PTPRD: variants seen among roughly 807,000 people sequenced by gnomAD.
PTPRD encodes the protein receptor-type tyrosine-protein phosphatase delta.
In PTPRD, 34 loss-of-function variants were observed where a neutral mutation model predicts 214.5. The ratio of observed to expected loss-of-function variants is 0.16; its 90% CI spans 0.12 to 0.21. PTPRD has a LOEUF of 0.21. Among genes scored for constraint, PTPRD ranks in the 10% least tolerant of loss-of-function variants. The pLI is 1.00. For missense variants in PTPRD, 2,545 were observed against 2,398.7 expected (o/e 1.06, Z -1.27); for synonymous variants, 1,128 against 845.7 (o/e 1.33, Z -5.79).
intron 11 of PTPRD, among the ~76,000 whole-genome samples, chr9:8,835,464 AC>A (rs2097397748): frequency 6.6e-6 from 1 of 152,162 alleles, no homozygotes; most frequent in African/African-American, 2.4e-5. Context: ...CAGTGATTCA[AC>A]CTCACCGCAT....
chr9:9,612,389 A>G (rs2094561476), intron 7 of PTPRD, among the ~76,000 whole-genome samples: 2 of 152,176 alleles, frequency 1.3e-5, no homozygotes, highest in African/African-American at 4.8e-5. Context: ...CAAATTCAGA[A>G]TCATGTAACT....
intron 35 of PTPRD, among the ~76,000 whole-genome samples, chr9:8,414,891 G>C (rs1354608991): frequency 7.7e-6 from 1 of 129,848 alleles, no homozygotes; most frequent in Non-Finnish European, 1.6e-5. Flanking sequence ...GGGAGGGAGG[G>C]AGAGAGGGAT....
At chr9:9,501,132 G>GT (rs2096400971) in intron 8 of PTPRD, among the ~76,000 whole-genome samples, 1 of 151,754 alleles carries the variant, frequency 6.6e-6, no homozygotes, top group African/African-American at 2.4e-5. Context: ...AAAAAGCAAG[G>GT]TAAAAACTTA....
chr9:8,853,705 T>C (rs2097860522), intron 11 of PTPRD, among the ~76,000 whole-genome samples: 1 of 152,224 alleles, frequency 6.6e-6, no homozygotes, highest in Non-Finnish European at 1.5e-5. Context: ...GAATTCTCAA[T>C]CTTGTAGTTC....
At chr9:9,311,488 G>A (rs1292186808) in intron 9 of PTPRD, among the ~76,000 whole-genome samples, 1 of 152,048 alleles carries the variant, frequency 6.6e-6, no homozygotes, top group Non-Finnish European at 1.5e-5. Flanking sequence ...TATTTTCTAA[G>A]TTTTGAAGGT....
chr9:8,940,705 G>C (rs1177812212), intron 11 of PTPRD, among the ~76,000 whole-genome samples: 2 of 151,960 alleles, frequency 1.3e-5, no homozygotes, highest in Non-Finnish European at 2.9e-5. Context: ...GCTGGTTGGA[G>C]ACACTCTCCA....
chr9:8,843,991 T>C (rs531645113), intron 11 of PTPRD, among the ~76,000 whole-genome samples: 2 of 152,268 alleles, frequency 1.3e-5, no homozygotes, highest in Admixed American at 1.3e-4. Context: ...TGAAAAATGG[T>C]CATCACCCAT....
chr9:10,125,360 T>C (rs2154251870), intron 3 of PTPRD, among the ~76,000 whole-genome samples: 1 of 150,906 alleles, frequency 6.6e-6, no homozygotes, highest in East Asian at 1.9e-4. Context: ...AAATCAATCA[T>C]TTCTTTTTTC....
At chr9:8,493,810 G>A (rs897950678) in intron 26 of PTPRD, among the ~76,000 whole-genome samples, 2 of 152,010 alleles carry the variant, frequency 1.3e-5, no homozygotes, top group African/African-American at 4.8e-5. Flanking sequence ...TTTTCTCTTA[G>A]TCAGGGCCCA....
chr9:9,900,600 C>T (rs7470406), intron 5 of PTPRD, among the ~76,000 whole-genome samples: 36,027 of 149,764 alleles, frequency 0.24, 5,293 homozygotes, highest in African/African-American at 0.41. Context: ...CTTCCAAAGT[C>T]GGCCTGTTAC....
chr9:10,122,815 C>G (rs1045948416), intron 3 of PTPRD, among the ~76,000 whole-genome samples: 6 of 152,184 alleles, frequency 3.9e-5, no homozygotes, highest in African/African-American at 1.4e-4. Flanking sequence ...CTGACTTAAC[C>G]ATCACCTGGC....
At chr9:8,412,639 G>C (rs1056171751) in intron 35 of PTPRD, among the ~76,000 whole-genome samples, 1 of 152,128 alleles carries the variant, frequency 6.6e-6, no homozygotes, top group Non-Finnish European at 1.5e-5. Context: ...CCTGTGACTT[G>C]TATAAGAACA....
chr9:9,830,109 T>G (rs1212419954), intron 5 of PTPRD, among the ~76,000 whole-genome samples: 1 of 151,698 alleles, frequency 6.6e-6, no homozygotes, highest in Non-Finnish European at 1.5e-5. Flanking sequence ...TTTTATAATT[T>G]TATTTTAAAA....
intron 4 of PTPRD, among the ~76,000 whole-genome samples, chr9:9,958,160 G>A (rs1382564971): frequency 2.0e-5 from 3 of 152,192 alleles, no homozygotes; most frequent in African/African-American, 7.2e-5. Flanking sequence ...GTGATGTTGA[G>A]TTTGGCAAGA....
chr9:8,766,797 A>G (rs1210200295), intron 11 of PTPRD, among the ~76,000 whole-genome samples: 2 of 152,174 alleles, frequency 1.3e-5, no homozygotes, highest in Non-Finnish European at 2.9e-5. Context: ...ATTAATTTCA[A>G]TGTTTAATAT....
At chr9:9,175,641 A>AAAAAAAC (rs1569558773) in intron 10 of PTPRD, among the ~76,000 whole-genome samples, 25 of 140,366 alleles carry the variant, frequency 1.8e-4, no homozygotes, top group Middle Eastern at 3.7e-3. Flanking sequence ...AAAAAAAAAA[A>AAAAAAAC]AAAAAAAAAG....
intron 8 of PTPRD, among the ~76,000 whole-genome samples, chr9:9,553,002 T>C (rs1390945957): frequency 2.0e-5 from 3 of 152,068 alleles, no homozygotes; most frequent in Non-Finnish European, 4.4e-5. Context: ...ATGAAAGCAA[T>C]TATGGACACT....
chr9:8,674,997 G>C (rs1022300921), intron 12 of PTPRD, among the ~76,000 whole-genome samples: 1 of 152,060 alleles, frequency 6.6e-6, no homozygotes, highest in East Asian at 1.9e-4. Context: ...GAAATAACCA[G>C]GGTATATTTT....
Position 8,484,253 on chromosome 9 carries a change from A to C in PTPRD, c.3279T>G (p.Gly1093=). ...TTGCCGTGACCCTGTGCTGCAGCCC[A>C]CCAGCACTGTTTCCACGATTTGTCA... ...FVLTNRGNSA[G]GLQHRVTAKT... is the part of the protein sequence containing the mutation. The change falls in exon 30 of 46, where the codon GGT becomes GGG. Residue 1093 remains glycine, a synonymous_variant. Coordinates refer to ENST00000381196, the MANE Select transcript of PTPRD (RefSeq NM_002839.4). 1 of 1,614,156 alleles carries C rather than the reference A, an allele frequency of 6.2e-7. No homozygotes were observed. The highest frequency in any genetic ancestry group is 2.2e-5 in the East Asian group (1 of 44,872).
Sources: gnomAD v4.1 joint callset for allele counts (sites outside exome capture counted in the v4.1 genomes callset) on GRCh38, gnomAD v4.1.1 for gene constraint, MANE v1.5 for transcripts, NCBI Gene and HGNC (gene_info 2026-07-23, HGNC 2026-07-21) for gene names.